Variants in CTNND2 observed in about 807,000 individuals in gnomAD.
CTNND2 encodes catenin delta 2.
CTNND2 carries 22 observed loss-of-function variants against 144.4 expected under a neutral mutation model. The observed-to-expected ratio is 0.15, with a 90% CI of 0.11 to 0.22. CTNND2 has a LOEUF of 0.22. Among genes scored for constraint, CTNND2 ranks in the 10% least tolerant of loss-of-function variants. CTNND2 has a pLI of 1.00. For missense variants in CTNND2, 1,353 were observed against 1,618.8 expected (o/e 0.84, Z 2.82); for synonymous variants, 751 against 695.6 (o/e 1.08, Z -1.25).
intron 9 of CTNND2, among the ~76,000 whole-genome samples, chr5:11,344,516 A>G (rs1447656614): frequency 6.6e-6 from 1 of 152,186 alleles, no homozygotes; most frequent in African/African-American, 2.4e-5. Context: ...TCCCTTTTAT[A>G]ATAAACCACA....
At chr5:11,318,922 A>G (rs1424130722) in intron 9 of CTNND2, among the ~76,000 whole-genome samples, 1 of 143,658 alleles carries the variant, frequency 7.0e-6, no homozygotes, top group African/African-American at 2.5e-5. Flanking sequence ...AAATGTCTAT[A>G]ATAATAATAA....
chr5:11,578,053 C>A (rs13185622), intron 2 of CTNND2, among the ~76,000 whole-genome samples: 1 of 151,932 alleles, frequency 6.6e-6, no homozygotes, highest in African/African-American at 2.4e-5. Context: ...AAAAAATAGT[C>A]TCAGTTTCTT....
At chr5:11,698,288 A>ATTT (rs34917192) in intron 2 of CTNND2, among the ~76,000 whole-genome samples, 10 of 140,536 alleles carry the variant, frequency 7.1e-5, no homozygotes, top group Admixed American at 3.6e-4. Context: ...ACACATTATT[A>ATTT]TTTTTTTTTT....
chr5:11,682,372 C>T (rs1055717044), intron 2 of CTNND2, among the ~76,000 whole-genome samples: 1 of 152,202 alleles, frequency 6.6e-6, no homozygotes, highest in African/African-American at 2.4e-5. Flanking sequence ...CAATATTCCA[C>T]AGGCGTTCCA....
chr5:11,554,860 C>T (rs573825047), intron 3 of CTNND2, among the ~76,000 whole-genome samples: 1 of 151,148 alleles, frequency 6.6e-6, no homozygotes, highest in Non-Finnish European at 1.5e-5. Flanking sequence ...ATATTATGAC[C>T]TAGCAAGATC....
chr5:11,399,042 A>G (rs1298295358), intron 5 of CTNND2, among the ~76,000 whole-genome samples: 1 of 152,218 alleles, frequency 6.6e-6, no homozygotes, highest in Admixed American at 6.5e-5. Context: ...ACTGTGGCTA[A>G]GGGCTTTACC....
At chr5:11,036,124 G>A (rs1744039186) in intron 16 of CTNND2, among the ~76,000 whole-genome samples, 1 of 150,284 alleles carries the variant, frequency 6.7e-6, no homozygotes, top group Non-Finnish European at 1.5e-5. Context: ...TTGATATCGT[G>A]TTAATTTTTT....
intron 1 of CTNND2, among the ~76,000 whole-genome samples, chr5:11,766,367 A>C (rs1407253167): frequency 6.6e-6 from 1 of 152,168 alleles, no homozygotes; most frequent in East Asian, 1.9e-4. Context: ...TGTTGTGGGA[A>C]GGACCCAGTG....
chr5:11,104,936 T>C (rs1752274081), intron 14 of CTNND2, among the ~76,000 whole-genome samples: 4 of 152,320 alleles, frequency 2.6e-5, no homozygotes, highest in South Asian at 2.1e-4. Context: ...ATGCACCTCC[T>C]CCTGTGGGGG....
intron 1 of CTNND2, among the ~76,000 whole-genome samples, chr5:11,823,606 T>C (rs1014103459): frequency 2.0e-5 from 3 of 152,214 alleles, no homozygotes; most frequent in African/African-American, 7.2e-5. Context: ...TGATGGTATA[T>C]GCTATACTTT....
At chr5:11,424,708 T>C (rs949525286) in intron 3 of CTNND2, among the ~76,000 whole-genome samples, 11 of 152,242 alleles carry the variant, frequency 7.2e-5, no homozygotes, top group Non-Finnish European at 1.3e-4. Context: ...TACCACTGTG[T>C]CTGCTTTTCC....
At chr5:11,718,477 TCTC>T (rs1246925338) in intron 2 of CTNND2, among the ~76,000 whole-genome samples, 1 of 152,130 alleles carries the variant, frequency 6.6e-6, no homozygotes, top group Non-Finnish European at 1.5e-5. Context: ...CACAACTTGT[TCTC>T]CTTGATTTCC....
intron 16 of CTNND2, among the ~76,000 whole-genome samples, chr5:11,031,759 C>G (rs1352711573): frequency 2.6e-5 from 4 of 152,286 alleles, no homozygotes; most frequent in Non-Finnish European, 5.9e-5. Context: ...GCTTGCTGAA[C>G]CTTCTGGCTT....
At chr5:11,827,637 A>G (rs1053566620) in intron 1 of CTNND2, among the ~76,000 whole-genome samples, 3 of 152,234 alleles carry the variant, frequency 2.0e-5, no homozygotes, top group Admixed American at 2.0e-4. Context: ...TAAAAGGAAA[A>G]TAAGGAATTA....
rs1487094565 is a variant in CTNND2 at position 11,903,996 on chromosome 5, G to A, written c.-143C>T. The stretch of plus-strand genomic sequence containing the variant: ...GCGCGGCCGCGGGACAAGGGATGCT[G>A]GCGGGCGGCAGGGGCGAGCGCCGCG... On this transcript the variant is annotated 5_prime_UTR_variant, in exon 1 of 22. Coordinates refer to ENST00000304623, the MANE Select transcript of CTNND2 (RefSeq NM_001332.4). This position sits in a 1 kb window ranked among gnomAD's most constrained non-coding sequence, Gnocchi z 5.4. 3.1e-5 allele frequency: 32 copies of A among 1,016,224 alleles called. No homozygotes were observed. Among genetic ancestry groups the A allele is most frequent in the Non-Finnish European group, 1.0e-5 (8 of 791,294 alleles). 63.0% of individuals were successfully genotyped at this position (1,016,224 alleles called of 1,614,324 possible).
intron 12 of CTNND2, among the ~76,000 whole-genome samples, chr5:11,144,271 C>A (rs1031342663): frequency 6.6e-6 from 1 of 152,188 alleles, no homozygotes; most frequent in Non-Finnish European, 1.5e-5. Context: ...TTCAATTAGT[C>A]CTAAACTTGG....
intron 1 of CTNND2, among the ~76,000 whole-genome samples, chr5:11,762,598 C>T (rs1439534984): frequency 1.3e-5 from 2 of 152,162 alleles, no homozygotes; most frequent in Admixed American, 1.3e-4. Context: ...TGGATGATAG[C>T]AATCAAGCAA....
chr5:11,655,611 C>T (rs2126550396), intron 2 of CTNND2, among the ~76,000 whole-genome samples: 1 of 152,098 alleles, frequency 6.6e-6, no homozygotes, highest in South Asian at 2.1e-4. Flanking sequence ...GGAAGAAGTC[C>T]ATACATTGTT....
intron 5 of CTNND2, among the ~76,000 whole-genome samples, chr5:11,407,022 A>T (rs1408632219): frequency 1.3e-5 from 2 of 152,144 alleles, no homozygotes; most frequent in African/African-American, 4.8e-5. Flanking sequence ...TTTCCAGGTT[A>T]TCCTTTCTAT....
Sources: allele counts gnomAD v4.1 joint callset (sites outside exome capture counted in the v4.1 genomes callset), GRCh38; gene constraint gnomAD v4.1.1; non-coding constraint Gnocchi (gnomAD v3.1); transcripts MANE v1.5; gene names NCBI Gene and HGNC (gene_info 2026-07-23, HGNC 2026-07-21).